TANC2: variants seen among roughly 807,000 people sequenced by gnomAD.
The protein encoded by TANC2 is tetratricopeptide repeat, ankyrin repeat and coiled-coil containing 2.
Under a neutral mutation model 210.5 loss-of-function variants are expected in TANC2, and 26 were observed. The observed-to-expected ratio is 0.12, with a 90% CI of 0.09 to 0.17. TANC2 has a LOEUF of 0.17. TANC2 is among the 10% of genes least tolerant of loss of function. The pLI is 1.00. For synonymous variants in TANC2, 931 were observed against 967.1 expected (o/e 0.96, Z 0.69); for missense variants, 2,129 against 2,608.9 (o/e 0.82, Z 4.01).
At chr17:63,070,759 G>A (rs2036368511) in intron 2 of TANC2, among the ~76,000 whole-genome samples, 1 of 152,110 alleles carries the variant, frequency 6.6e-6, no homozygotes, top group African/African-American at 2.4e-5. Context: ...TTTTATTAGA[G>A]TAGAACCACA....
intron 4 of TANC2, among the ~76,000 whole-genome samples, chr17:63,116,421 G>A (rs889722425): frequency 6.6e-6 from 1 of 152,212 alleles, no homozygotes; most frequent in Non-Finnish European, 1.5e-5. Flanking sequence ...TAATTCCTGG[G>A]AGGTGAGGGA....
intron 15 of TANC2, among the ~76,000 whole-genome samples, chr17:63,384,946 A>G (rs981630051): frequency 2.0e-5 from 3 of 152,198 alleles, no homozygotes; most frequent in Admixed American, 6.5e-5. Flanking sequence ...TCAGGTGCCA[A>G]TTACTTTTCC....
chr17:62,987,636 G>A (rs1307834451), intron 1 of TANC2, among the ~76,000 whole-genome samples: 1 of 152,188 alleles, frequency 6.6e-6, no homozygotes, highest in Non-Finnish European at 1.5e-5. Flanking sequence ...TGATCCAGGT[G>A]GGAAGATAGG....
intron 6 of TANC2, among the ~76,000 whole-genome samples, chr17:63,195,964 T>G (rs1294714431): frequency 6.6e-6 from 1 of 152,178 alleles, no homozygotes; most frequent in Non-Finnish European, 1.5e-5. Flanking sequence ...GCTATATTCA[T>G]TTTTACTGGA....
chr17:63,353,194 G>A (rs1193753169), intron 13 of TANC2, among the ~76,000 whole-genome samples: 2 of 152,134 alleles, frequency 1.3e-5, no homozygotes, highest in African/African-American at 4.8e-5. Flanking sequence ...GATAATGATG[G>A]GGACCATGTG....
chr17:63,098,505 C>CTT (rs2037492946), intron 3 of TANC2, among the ~76,000 whole-genome samples: 1 of 92,358 alleles, frequency 1.1e-5, no homozygotes, highest in African/African-American at 6.2e-5. Context: ...CTCTCTCTCT[C>CTT]TCTCTGTGTG....
intron 7 of TANC2, among the ~76,000 whole-genome samples, chr17:63,223,851 G>A (rs80197571): frequency 0.028 from 4,313 of 152,154 alleles, 62 homozygotes; most frequent in South Asian, 0.038. Context: ...ACAGGTGGGT[G>A]CTGATCTCCT....
chr17:63,411,355 G>A (rs1460122943), intron 21 of TANC2, among the ~76,000 whole-genome samples, 156 bp from the exon 22 acceptor site: 1 of 152,206 alleles, frequency 6.6e-6, no homozygotes, highest in Non-Finnish European at 1.5e-5. Flanking sequence ...ACTTTTAACA[G>A]TTGAGATACA....
intron 26 of TANC2, among the ~76,000 whole-genome samples, chr17:63,417,149 A>C (rs989108956): frequency 6.6e-6 from 1 of 152,172 alleles, no homozygotes; most frequent in Non-Finnish European, 1.5e-5. Context: ...AGCGGTTGTT[A>C]ATCACCTCCT....
At chr17:63,076,499 C>A (rs2036576468) in intron 3 of TANC2, among the ~76,000 whole-genome samples, 1 of 152,094 alleles carries the variant, frequency 6.6e-6, no homozygotes, top group Non-Finnish European at 1.5e-5. Context: ...AATAAACAGG[C>A]CAGTTAGCTC....
At chr17:63,058,191 G>A (rs551592633) in intron 2 of TANC2, among the ~76,000 whole-genome samples, 1 of 152,224 alleles carries the variant, frequency 6.6e-6, no homozygotes, top group Non-Finnish European at 1.5e-5. Flanking sequence ...GTGATATTGA[G>A]CTTTTTTTTC....
At chr17:63,325,966 G>A (rs1431872171) in intron 11 of TANC2, among the ~76,000 whole-genome samples, 3 of 152,164 alleles carry the variant, frequency 2.0e-5, no homozygotes, top group African/African-American at 7.2e-5. Flanking sequence ...TTTAAAATTT[G>A]TATTTGTTAT....
chr17:63,115,166 T>C (rs895559378), intron 4 of TANC2, among the ~76,000 whole-genome samples: 2 of 152,140 alleles, frequency 1.3e-5, no homozygotes, highest in African/African-American at 4.8e-5. Flanking sequence ...AAATAACTAC[T>C]GGCACAAGAC....
At chr17:63,251,403 A>C (rs947764682) in intron 8 of TANC2, among the ~76,000 whole-genome samples, 6 of 152,186 alleles carry the variant, frequency 3.9e-5, no homozygotes, top group Non-Finnish European at 5.9e-5. Context: ...GGAAGAGTAC[A>C]ACTAGGTACA....
At chr17:63,044,774 G>A (rs1335825482) in intron 2 of TANC2, among the ~76,000 whole-genome samples, 1 of 152,136 alleles carries the variant, frequency 6.6e-6, no homozygotes, top group Non-Finnish European at 1.5e-5. Flanking sequence ...CAGTCTGGTA[G>A]GAGAAAGGTA....
chr17:63,277,105 A>T (rs1389320139), intron 9 of TANC2, among the ~76,000 whole-genome samples: 1 of 152,028 alleles, frequency 6.6e-6, no homozygotes, highest in East Asian at 1.9e-4. Context: ...CTCTCACTTG[A>T]GCTTTAAATC....
At chr17:63,285,069 A>C (rs2044179736) in intron 9 of TANC2, among the ~76,000 whole-genome samples, 1 of 152,102 alleles carries the variant, frequency 6.6e-6, no homozygotes, top group Non-Finnish European at 1.5e-5. Context: ...TTGTGTTAGC[A>C]TATATTAGTT....
At chr17:63,007,436 A>G (rs2033671250) in intron 1 of TANC2, among the ~76,000 whole-genome samples, 1 of 152,160 alleles carries the variant, frequency 6.6e-6, no homozygotes, top group Non-Finnish European at 1.5e-5. Flanking sequence ...GTCTTCTACT[A>G]GAGTGTTGAA....
At chr17:63,248,690 G>A (rs1160313865) in intron 8 of TANC2, among the ~76,000 whole-genome samples, 1 of 151,944 alleles carries the variant, frequency 6.6e-6, no homozygotes, top group African/African-American at 2.4e-5. Flanking sequence ...AAATTTTTAG[G>A]GGATTATTTA....
Sources: allele counts gnomAD v4.1 joint callset (sites outside exome capture counted in the v4.1 genomes callset), GRCh38; gene constraint gnomAD v4.1.1; transcripts MANE v1.5; gene names NCBI Gene and HGNC (gene_info 2026-07-23, HGNC 2026-07-21).